The following CSGALNACT1 variants were observed in gnomAD, a reference collection of about 807,000 sequenced individuals.
The protein encoded by CSGALNACT1 is beta4GalNAcT-1.
Under a neutral mutation model 51.0 loss-of-function variants are expected in CSGALNACT1, and 52 were observed. The observed-to-expected ratio is 1.02, with a 90% CI of 0.82 to 1.29. The LOEUF (loss-of-function observed/expected upper bound fraction) is 1.29. Ranked by LOEUF, CSGALNACT1 falls within the 50% of genes most tolerant of loss-of-function variation. CSGALNACT1 has a pLI of 0.00. For synonymous variants in CSGALNACT1, 341 were observed against 254.4 expected (o/e 1.34, Z -3.24); for missense variants, 935 against 679.2 (o/e 1.38, Z -4.19).
In CSGALNACT1 at chr8:19,481,094, A is replaced by G. The variant is rs374273113; in HGVS notation, c.635-22452T>C. Among the ~76,000 whole-genome samples the G allele has an allele frequency of 2.2e-3, 341 of 152,290 alleles. 4 individuals carry two copies. Among genetic ancestry groups the G allele is most frequent in the African/African-American group, 7.9e-3 (328 of 41,558 alleles). ...TCTTTTTCCAAGTTTTAAAGGCTGT[A>G]ATTAATCAGGCATTAGCTTTACAAT... On this transcript the variant is annotated intron_variant, in intron 4 of 9. Transcript: ENST00000454498.
At chr8:19,420,034 C>T (rs1213268437) in intron 7 of CSGALNACT1, among the ~76,000 whole-genome samples, 1 of 152,166 alleles carries the variant, frequency 6.6e-6, no homozygotes, top group Non-Finnish European at 1.5e-5. Context: ...CACTGTCTCG[C>T]CTGCTGCCAT....
intron 1 of CSGALNACT1, among the ~76,000 whole-genome samples, chr8:19,621,171 T>C (rs1368177484): frequency 6.6e-6 from 1 of 152,202 alleles, no homozygotes; most frequent in Non-Finnish European, 1.5e-5. Context: ...ATTCTAGGAT[T>C]CTTAAGAAAG....
chr8:19,451,314 A>G (rs2063144765), intron 5 of CSGALNACT1, among the ~76,000 whole-genome samples: 2 of 152,116 alleles, frequency 1.3e-5, no homozygotes, highest in South Asian at 4.1e-4. Context: ...ATTTTCTATT[A>G]GTCCCAATTT....
chr8:19,555,320 A>G (rs2089452133), intron 3 of CSGALNACT1, among the ~76,000 whole-genome samples: 1 of 152,176 alleles, frequency 6.6e-6, no homozygotes, highest in East Asian at 1.9e-4. Flanking sequence ...GGGGACCATC[A>G]ATATCAAATG....
chr8:19,701,810 A>G lies in CSGALNACT1; in HGVS notation c.-297+56040T>C, dbSNP rs142683694. On this transcript the variant is annotated intron_variant, in intron 1 of 1. Transcript: ENST00000517494. ...AGTGGTAAGACTCGACTTTCAATCC[A>G]CTCAATCTGGTTCCAGAATCCATGC... 2.9e-3 allele frequency among the ~76,000 whole-genome samples: 435 copies of G among 152,248 alleles called. 1 individual carries two copies. Among genetic ancestry groups the G allele is most frequent in the African/African-American group, 9.5e-3 (395 of 41,520 alleles).
intron 4 of CSGALNACT1, among the ~76,000 whole-genome samples, chr8:19,466,075 G>A (rs976656188): frequency 3.9e-5 from 6 of 152,086 alleles, no homozygotes; most frequent in Admixed American, 6.5e-5. Flanking sequence ...TTAAGTAAAA[G>A]CTATCTGAAG....
chr8:19,641,319 T>C (rs1417236124), intron 1 of CSGALNACT1, among the ~76,000 whole-genome samples: 1 of 151,992 alleles, frequency 6.6e-6, no homozygotes, highest in Admixed American at 6.6e-5. Context: ...AGATGGAAGT[T>C]AGTTGGATAA....
chr8:19,490,682 G>C (rs1303765160), intron 4 of CSGALNACT1, among the ~76,000 whole-genome samples: 1 of 152,164 alleles, frequency 6.6e-6, no homozygotes, highest in Non-Finnish European at 1.5e-5. Context: ...AGGAGAAGTG[G>C]AGCCCAGGAC....
intron 3 of CSGALNACT1, among the ~76,000 whole-genome samples, chr8:19,558,834 C>A (rs747696049): frequency 2.0e-5 from 3 of 152,088 alleles, no homozygotes; most frequent in Non-Finnish European, 4.4e-5. Context: ...ATTACCTACA[C>A]GTCATCAACA....
chr8:19,648,275 A>G (rs1013309599), intron 1 of CSGALNACT1, among the ~76,000 whole-genome samples: 1 of 152,200 alleles, frequency 6.6e-6, no homozygotes, highest in Non-Finnish European at 1.5e-5. Context: ...GGGTATTTTT[A>G]CTATTGCTGA....
At chr8:19,697,504 G>T (rs1197107559) in intron 1 of CSGALNACT1, among the ~76,000 whole-genome samples, 3 of 152,096 alleles carry the variant, frequency 2.0e-5, no homozygotes, top group African/African-American at 7.2e-5. Context: ...AAGATGACTG[G>T]GCACCAAATC....
chr8:19,487,593 A>C (rs1248710086), intron 4 of CSGALNACT1, among the ~76,000 whole-genome samples: 1 of 152,234 alleles, frequency 6.6e-6, no homozygotes. Flanking sequence ...AGACTTTGAA[A>C]GACTCAACTG....
intron 3 of CSGALNACT1, among the ~76,000 whole-genome samples, chr8:19,577,065 G>C (rs980167090): frequency 6.8e-6 from 1 of 147,272 alleles, no homozygotes; most frequent in Admixed American, 6.6e-5. Flanking sequence ...TCCCCTTTGG[G>C]AAAGAGAGAG....
chr8:19,409,215 T>C (rs1408820865), intron 8 of CSGALNACT1, among the ~76,000 whole-genome samples: 1 of 152,148 alleles, frequency 6.6e-6, no homozygotes, highest in Non-Finnish European at 1.5e-5. Context: ...AAAAGAAATA[T>C]CTGAGAGACT....
exon 1 of CSGALNACT1, chr8:19,602,314 C>G (rs2050616801): frequency 6.6e-6 from 1 of 152,348 alleles, no homozygotes; most frequent in Non-Finnish European, 1.5e-5. Flanking sequence ...GTGTTCAGCG[C>G]CACCACTTAA....
intron 1 of CSGALNACT1, among the ~76,000 whole-genome samples, chr8:19,721,529 G>A (rs1004575820): frequency 7.2e-5 from 11 of 152,204 alleles, no homozygotes; most frequent in African/African-American, 2.7e-4. Flanking sequence ...GATGGACCAT[G>A]ACAAGCACAT....
At chr8:19,560,976 T>A (rs191408475) in intron 3 of CSGALNACT1, among the ~76,000 whole-genome samples, 1 of 152,288 alleles carries the variant, frequency 6.6e-6, no homozygotes, top group East Asian at 1.9e-4. Flanking sequence ...AAGCCACAGC[T>A]ACACACAGCA....
At chr8:19,519,406 T>G (rs2080193073) in intron 3 of CSGALNACT1, among the ~76,000 whole-genome samples, 1 of 152,106 alleles carries the variant, frequency 6.6e-6, no homozygotes, top group Non-Finnish European at 1.5e-5. Flanking sequence ...TCAATCAGCC[T>G]TACGTTGCAA....
rs2057628496 is a variant in CSGALNACT1 at position 19,649,828 on chromosome 8, A to AAAAAAAAAC, written c.-544+32644_-544+32645insGTTTTTTTT. Among the ~76,000 whole-genome samples the AAAAAAAAAC allele has an allele frequency of 2.1e-5, 3 of 145,432 alleles. No homozygotes were observed. The Admixed American group carries it at 2.1e-4, about 10-fold the overall frequency. ...AATGCATTCCAAGTAGCAAAAAAAA[A>AAAAAAAAAC]AAAAAAAAAAAAAAAAACCACGGGG... On this transcript the variant is annotated intron_variant, in intron 1 of 9. Transcript: ENST00000332246.
Sources: gnomAD v4.1 joint callset for allele counts (sites outside exome capture counted in the v4.1 genomes callset) on GRCh38, gnomAD v4.1.1 for gene constraint, MANE v1.5 for transcripts, NCBI Gene and HGNC (gene_info 2026-07-23, HGNC 2026-07-21) for gene names.